Variants in TSNARE1 observed in about 807,000 individuals in gnomAD.
TSNARE1 encodes t-SNARE domain-containing protein 1.
Under a neutral mutation model 62.0 loss-of-function variants are expected in TSNARE1, and 49 were observed. That is an observed-to-expected ratio of 0.79 (90% CI 0.63 to 1.00). The LOEUF (loss-of-function observed/expected upper bound fraction) is 1.00, where lower values mean the gene tolerates loss of function less well. TSNARE1 is among the 50% of genes least tolerant of loss of function. TSNARE1 has a pLI of 0.00. For synonymous variants in TSNARE1, 328 were observed against 294.4 expected, an observed-to-expected ratio of 1.11 and a Z score of -1.17; for missense variants, 755 against 700.1, an observed-to-expected ratio of 1.08 and a Z score of -0.88.
intron 11 of TSNARE1, chr8:142,279,798 G>A (rs1171349165): frequency 1.6e-5 from 14 of 874,034 alleles, no homozygotes; most frequent in African/African-American, 3.6e-5. Flanking sequence ...CCCACTCGCC[G>A]GCCCTGCTTG....
Position 142,354,716 on chromosome 8 carries a change from G to A in TSNARE1, c.9C>T (p.Tyr3=), listed in dbSNP as rs570010659. MS[Y]GSIARGGGLG... ...GGCCACCTCCACGGGCGATGGATCC[G>A]TATGACATCTTCTTACAGATGGCAG... The change falls in exon 2 of 14, where the codon TAC becomes TAT. Residue 3 remains tyrosine, a synonymous_variant. Coordinates refer to ENST00000524325, the MANE Select transcript of TSNARE1 (RefSeq NM_145003.5). The A allele has an allele frequency of 1.2e-5, 19 of 1,613,260 alleles. No homozygotes were observed. The highest frequency in any genetic ancestry group is 1.7e-4 in the Middle Eastern group (1 of 6,056).
chr8:142,295,213 C>T (rs527405168), intron 10 of TSNARE1, among the ~76,000 whole-genome samples: 17 of 152,354 alleles, frequency 1.1e-4, no homozygotes, highest in African/African-American at 3.6e-4. Flanking sequence ...CCTCCCGCTA[C>T]GACCCTCCTC....
chr8:142,315,166 C>T, intron 7 of TSNARE1, 74 bp from the exon 8 acceptor site: 2 of 1,467,932 alleles, frequency 1.4e-6, no homozygotes, highest in Non-Finnish European at 1.9e-6. Flanking sequence ...CCCACACCTC[C>T]TCCCGTACCG....
intron 4 of TSNARE1, among the ~76,000 whole-genome samples, chr8:142,341,638 C>T (rs1030544260): frequency 1.3e-5 from 2 of 152,192 alleles, no homozygotes; most frequent in African/African-American, 4.8e-5. Flanking sequence ...ACCTCCCACC[C>T]GGGACCACCT....
chr8:142,371,476 T>C (rs2131037677), intron 1 of TSNARE1, among the ~76,000 whole-genome samples: 1 of 152,360 alleles, frequency 6.6e-6, no homozygotes, highest in South Asian at 2.1e-4. Flanking sequence ...CAAAATTCAC[T>C]GCACACTTAA....
At chr8:142,242,628 G>T (rs1443528721) in intron 12 of TSNARE1, among the ~76,000 whole-genome samples, 2 of 152,172 alleles carry the variant, frequency 1.3e-5, no homozygotes, top group African/African-American at 4.8e-5. Context: ...TTTAAAATGG[G>T]CAGAGGACCT....
intron 1 of TSNARE1, among the ~76,000 whole-genome samples, chr8:142,397,558 T>C (rs1043833668): frequency 5.9e-5 from 9 of 152,300 alleles, no homozygotes; most frequent in African/African-American, 1.4e-4. Context: ...GGCTGGGTTG[T>C]AGCCCTCCCC....
intron 12 of TSNARE1, among the ~76,000 whole-genome samples, chr8:142,260,881 G>A (rs2130390722): frequency 6.8e-6 from 1 of 147,770 alleles, no homozygotes; most frequent in South Asian, 2.2e-4. Context: ...GGAGGGAAGG[G>A]AAGGTGAGGG....
chr8:142,329,851 G>T lies in TSNARE1; in HGVS notation c.893+1050C>A, dbSNP rs150210097. On this transcript the variant is annotated intron_variant, in intron 6 of 13. Transcript: ENST00000524325. ...TTTATAAAAGAGCTTAAAAAAAAAG[G>T]CTAAGAATAGAACTGCCCTGAACAT... Among the ~76,000 whole-genome samples the T allele has an allele frequency of 1.9e-3, 295 of 152,340 alleles. 2 individuals are homozygous for T. Among genetic ancestry groups the T allele is most frequent in the African/African-American group, 6.6e-3 (275 of 41,572 alleles).
intron 12 of TSNARE1, among the ~76,000 whole-genome samples, chr8:142,259,099 C>T (rs1563785158): frequency 6.6e-6 from 1 of 152,208 alleles, no homozygotes; most frequent in Non-Finnish European, 1.5e-5. Flanking sequence ...GTCTGTCTGA[C>T]TCTGAAGTTG....
intron 12 of TSNARE1, among the ~76,000 whole-genome samples, chr8:142,234,108 G>A (rs1328854343): frequency 1.3e-5 from 2 of 152,212 alleles, no homozygotes; most frequent in Admixed American, 6.5e-5. Context: ...CTCCAAGATG[G>A]CTCCATGACC....
intron 12 of TSNARE1, among the ~76,000 whole-genome samples, chr8:142,261,340 A>C (rs1160045584): frequency 1.1e-5 from 1 of 93,388 alleles, no homozygotes; most frequent in Non-Finnish European, 2.1e-5. Flanking sequence ...GGGAGGAGGG[A>C]GGGAGGGAGA....
At chr8:142,318,072 G>T (rs753803314) in intron 7 of TSNARE1, among the ~76,000 whole-genome samples, 11 of 152,194 alleles carry the variant, frequency 7.2e-5, no homozygotes, top group Non-Finnish European at 1.0e-4. Context: ...CCACTGCCAC[G>T]GCCATATGTC....
At chr8:142,259,532 C>T (rs56844227) in intron 12 of TSNARE1, among the ~76,000 whole-genome samples, 4,666 of 152,282 alleles carry the variant, frequency 0.031, 170 homozygotes, top group Admixed American at 0.099. Flanking sequence ...AATCTGATCA[C>T]GAAAATGAGA....
intron 13 of TSNARE1, among the ~76,000 whole-genome samples, chr8:142,219,817 G>A (rs1185004331): frequency 6.6e-6 from 1 of 152,228 alleles, no homozygotes; most frequent in Non-Finnish European, 1.5e-5. Context: ...CGGCCTCCCA[G>A]CCTCCTTCAC....
chr8:142,400,679 A>T (rs1310746757), intron 1 of TSNARE1, among the ~76,000 whole-genome samples: 2 of 152,218 alleles, frequency 1.3e-5, no homozygotes, highest in South Asian at 2.1e-4. Context: ...AATAAGAAGA[A>T]GACAGCCTAA....
At chr8:142,234,211 A>T (rs1442261482) in intron 12 of TSNARE1, among the ~76,000 whole-genome samples, 1 of 151,822 alleles carries the variant, frequency 6.6e-6, no homozygotes, top group Non-Finnish European at 1.5e-5. Context: ...GACCACCACC[A>T]TGGGTTCAGG....
chr8:142,266,670 G>C (rs1474490060), intron 12 of TSNARE1, among the ~76,000 whole-genome samples: 2 of 152,150 alleles, frequency 1.3e-5, no homozygotes, highest in Non-Finnish European at 2.9e-5. Flanking sequence ...GTTCACCCAT[G>C]ATGTGCCCAG....
At chr8:142,249,302 G>A (rs910390705) in intron 12 of TSNARE1, among the ~76,000 whole-genome samples, 13 of 152,358 alleles carry the variant, frequency 8.5e-5, no homozygotes, top group African/African-American at 3.1e-4. Flanking sequence ...GGAGAACTGT[G>A]GGCAGAGGGT....
Sources: allele counts gnomAD v4.1 joint callset (sites outside exome capture counted in the v4.1 genomes callset), GRCh38; gene constraint gnomAD v4.1.1; transcripts MANE v1.5; gene names NCBI Gene and HGNC (gene_info 2026-07-23, HGNC 2026-07-21).